The following TBC1D22A variants were observed in gnomAD, a reference collection of about 807,000 sequenced individuals.
TBC1D22A encodes the protein TBC1 domain family member 22A, also known as putative GTPase activator.
TBC1D22A carries 38 observed loss-of-function variants against 60.2 expected under a neutral mutation model. The observed-to-expected ratio is 0.63, with a 90% CI of 0.49 to 0.83. The LOEUF (loss-of-function observed/expected upper bound fraction) is 0.83, where lower values mean the gene tolerates loss of function less well. Ranked by LOEUF, TBC1D22A falls within the 40% of genes least tolerant of loss-of-function variation. The pLI, the probability that TBC1D22A is intolerant of heterozygous loss-of-function variation, is 0.00. For synonymous variants in TBC1D22A, 302 were observed against 281.7 expected (o/e 1.07, Z -0.72); for missense variants, 628 against 701.0 (o/e 0.90, Z 1.18).
intron 8 of TBC1D22A, among the ~76,000 whole-genome samples, chr22:46,965,381 G>T (rs1355619772): frequency 6.6e-6 from 1 of 152,234 alleles, no homozygotes; most frequent in East Asian, 1.9e-4. Flanking sequence ...CCATGGATGT[G>T]CAGGGCCTGG....
intron 12 of TBC1D22A, among the ~76,000 whole-genome samples, chr22:47,120,060 T>G (rs1188450379): frequency 6.6e-6 from 1 of 152,188 alleles, no homozygotes; most frequent in African/African-American, 2.4e-5. Flanking sequence ...GCCATGCTCC[T>G]GGATGCCAGC....
chr22:47,007,633 A>G (rs2061633454), intron 10 of TBC1D22A, among the ~76,000 whole-genome samples: 2 of 152,010 alleles, frequency 1.3e-5, no homozygotes, highest in African/African-American at 2.4e-5. Context: ...TTGGGTTGCA[A>G]AAGGCTGCCT....
intron 9 of TBC1D22A, among the ~76,000 whole-genome samples, chr22:46,986,513 G>A (rs1050503951): frequency 6.6e-6 from 1 of 151,974 alleles, no homozygotes; most frequent in African/African-American, 2.4e-5. Flanking sequence ...TGAGCGTAGT[G>A]TATTTCTTAA....
chr22:47,088,470 A>G (rs1326678591), intron 11 of TBC1D22A, among the ~76,000 whole-genome samples: 1 of 152,256 alleles, frequency 6.6e-6, no homozygotes, highest in African/African-American at 2.4e-5. Flanking sequence ...CAAGAATGTT[A>G]AAGTCTATGA....
intron 11 of TBC1D22A, among the ~76,000 whole-genome samples, chr22:47,054,241 G>A (rs1241682080): frequency 6.6e-6 from 1 of 152,264 alleles, no homozygotes; most frequent in African/African-American, 2.4e-5. Flanking sequence ...ATGTTGGTGA[G>A]AGCACGTGGT....
At chr22:47,147,034 C>T (rs1034942098) in intron 12 of TBC1D22A, among the ~76,000 whole-genome samples, 4 of 152,216 alleles carry the variant, frequency 2.6e-5, no homozygotes, top group African/African-American at 4.8e-5. Context: ...GAAGACACAG[C>T]GTCAGGTGAG....
intron 8 of TBC1D22A, among the ~76,000 whole-genome samples, chr22:46,959,186 A>C (rs73186526): frequency 0.033 from 5,038 of 152,260 alleles, 108 homozygotes; most frequent in South Asian, 0.064. Flanking sequence ...CCCAACAAAA[A>C]ACTAAAACCA....
intron 8 of TBC1D22A, among the ~76,000 whole-genome samples, chr22:46,957,042 G>A (rs1029756893): frequency 9.2e-5 from 14 of 152,204 alleles, no homozygotes; most frequent in African/African-American, 3.1e-4. Context: ...CTGAAGGCTC[G>A]CCTGTGGAGG....
chr22:46,979,061 G>C (rs1407079697), intron 9 of TBC1D22A, among the ~76,000 whole-genome samples: 1 of 152,180 alleles, frequency 6.6e-6, no homozygotes, highest in Non-Finnish European at 1.5e-5. Context: ...TTACATTAAA[G>C]TTGGTGGCCT....
chr22:47,062,929 T>A (rs966460582), intron 11 of TBC1D22A, among the ~76,000 whole-genome samples: 1 of 19,172 alleles, frequency 5.2e-5, no homozygotes, highest in Non-Finnish European at 8.0e-5. Context: ...TGCAACGAGT[T>A]AGTTGGTACT....
intron 12 of TBC1D22A, among the ~76,000 whole-genome samples, chr22:47,161,005 C>T (rs1049057225): frequency 3.9e-5 from 6 of 152,132 alleles, no homozygotes; most frequent in African/African-American, 1.4e-4. Flanking sequence ...ACTGAGGTTT[C>T]CAGGGTGCTG....
At chr22:46,919,646 CAT>C (rs2070615843) in intron 8 of TBC1D22A, among the ~76,000 whole-genome samples, 1 of 151,940 alleles carries the variant, frequency 6.6e-6, no homozygotes, top group Non-Finnish European at 1.5e-5. Context: ...TTTCCCTGCC[CAT>C]AGCATTGTGG....
intron 8 of TBC1D22A, among the ~76,000 whole-genome samples, chr22:46,941,705 G>GCGGAATGTATATA (rs1032513934): frequency 5.6e-5 from 6 of 107,182 alleles, no homozygotes; most frequent in Admixed American, 1.0e-4. Flanking sequence ...GATTATATAT[G>GCGGAATGTATATA]CGGAATATAT....
At chr22:46,821,911 A>G (rs896970535) in intron 4 of TBC1D22A, among the ~76,000 whole-genome samples, 1 of 151,716 alleles carries the variant, frequency 6.6e-6, no homozygotes, top group Non-Finnish European at 1.5e-5. Context: ...GAAGTCTCAT[A>G]TTTCTTGGAG....
chr22:47,135,487 G>A (rs913038272), intron 12 of TBC1D22A, among the ~76,000 whole-genome samples: 2 of 152,152 alleles, frequency 1.3e-5, no homozygotes, highest in African/African-American at 4.8e-5. Context: ...GGGAGAAGTG[G>A]GGTGGTCAAC....
chr22:46,844,250 C>G (rs2086895647), intron 4 of TBC1D22A, among the ~76,000 whole-genome samples: 1 of 152,006 alleles, frequency 6.6e-6, no homozygotes, highest in South Asian at 2.1e-4. Flanking sequence ...GTGCCCATGT[C>G]CAGCAGTCAC....
intron 1 of TBC1D22A, among the ~76,000 whole-genome samples, chr22:46,787,253 T>C (rs966803012): frequency 3.3e-5 from 5 of 152,212 alleles, no homozygotes; most frequent in Non-Finnish European, 7.3e-5. Context: ...GTCAATTTTA[T>C]TCATCTACTC....
At chr22:47,036,112 G>C (rs1418783017) in intron 10 of TBC1D22A, among the ~76,000 whole-genome samples, 1 of 152,170 alleles carries the variant, frequency 6.6e-6, no homozygotes, top group Non-Finnish European at 1.5e-5. Context: ...GGTGTAACTT[G>C]GAAGCAGGGT....
chr22:46,831,091 A>T (rs959794545), intron 4 of TBC1D22A, among the ~76,000 whole-genome samples: 3 of 152,100 alleles, frequency 2.0e-5, no homozygotes, highest in African/African-American at 7.2e-5. Flanking sequence ...AAGGCATTTG[A>T]TGTTGGCCAC....
Sources: allele counts gnomAD v4.1 joint callset (sites outside exome capture counted in the v4.1 genomes callset), GRCh38; gene constraint gnomAD v4.1.1; transcripts MANE v1.5; gene names NCBI Gene and HGNC (gene_info 2026-07-23, HGNC 2026-07-21).